OR1F1: variants seen among roughly 807,000 people sequenced by gnomAD.
The protein encoded by OR1F1 is olfactory receptor family 1 subfamily F member 1.
For synonymous variants in OR1F1, 184 were observed against 156.7 expected (o/e 1.17, Z -1.30); for missense variants, 493 against 376.3 (o/e 1.31, Z -2.57).
chr16:3,199,845 G>A (rs1386786281), upstream of OR1F1, among the ~76,000 whole-genome samples: 5 of 151,968 alleles, frequency 3.3e-5, no homozygotes, highest in African/African-American at 7.2e-5. Context: ...GAGAAACCCC[G>A]TCTCTACTAA....
the OR1F1 span, among the ~76,000 whole-genome samples, chr16:3,189,068 T>A: frequency 6.6e-6 from 1 of 152,130 alleles, no homozygotes; most frequent in African/African-American, 2.4e-5. Flanking sequence ...CCTTTAGGGT[T>A]CGAGGCCCAC....
At chr16:3,203,084 C>A (rs1958154653), upstream of OR1F1, among the ~76,000 whole-genome samples, 1 of 152,202 alleles carries the variant, frequency 6.6e-6, no homozygotes, top group Non-Finnish European at 1.5e-5. Flanking sequence ...CAATGATTAC[C>A]CCTTAGATTG....
the OR1F1 span, among the ~76,000 whole-genome samples, chr16:3,198,402 TTGG>T: frequency 1.3e-5 from 2 of 152,152 alleles, no homozygotes; most frequent in East Asian, 3.9e-4. Flanking sequence ...GTTTCCCCTG[TTGG>T]TGGTGGGGAT....
At chr16:3,190,322 C>A in the OR1F1 span, among the ~76,000 whole-genome samples, 2 of 152,144 alleles carry the variant, frequency 1.3e-5, no homozygotes, top group Admixed American at 1.3e-4. Context: ...GTCCCAGCGC[C>A]CACCAGGACT....
the OR1F1 span, among the ~76,000 whole-genome samples, chr16:3,193,586 G>A: frequency 1.3e-5 from 2 of 152,124 alleles, no homozygotes; most frequent in African/African-American, 4.8e-5. Context: ...CTGCTGCGTT[G>A]CAAGAACTGG....
At chr16:3,199,191 TC>T in the OR1F1 span, among the ~76,000 whole-genome samples, 3 of 136,154 alleles carry the variant, frequency 2.2e-5, no homozygotes, top group Admixed American at 7.8e-5. Flanking sequence ...TAGTCCCAGC[TC>T]CTCAGGAGGC....
the OR1F1 span, among the ~76,000 whole-genome samples, chr16:3,195,059 C>T: frequency 1.3e-5 from 2 of 152,182 alleles, no homozygotes; most frequent in African/African-American, 4.8e-5. Context: ...CGGAAGGCCC[C>T]GTGTCCCCCG....
upstream of OR1F1, among the ~76,000 whole-genome samples, chr16:3,201,975 G>C (rs1346417934): frequency 6.6e-6 from 1 of 152,152 alleles, no homozygotes; most frequent in Admixed American, 6.5e-5. Flanking sequence ...CACTGCCTAT[G>C]GGGGAGCCCT....
the OR1F1 span, among the ~76,000 whole-genome samples, chr16:3,198,347 C>A: frequency 6.6e-6 from 1 of 151,952 alleles, no homozygotes; most frequent in East Asian, 1.9e-4. Flanking sequence ...TCTGAAGGCA[C>A]AAAATAGCTG....
the OR1F1 span, among the ~76,000 whole-genome samples, chr16:3,188,661 C>T: frequency 1.3e-5 from 2 of 152,122 alleles, no homozygotes; most frequent in Non-Finnish European, 1.5e-5. Flanking sequence ...CCCCAGACCC[C>T]GGGGCCTTCC....
downstream of OR1F1, among the ~76,000 whole-genome samples, chr16:3,205,493 T>A (rs1312269315): frequency 1.3e-5 from 2 of 151,866 alleles, no homozygotes; most frequent in African/African-American, 4.8e-5. Flanking sequence ...TTTTTTTTTT[T>A]TTTTTTGAGA....
At chr16:3,198,445 C>T in the OR1F1 span, among the ~76,000 whole-genome samples, 13 of 152,126 alleles carry the variant, frequency 8.5e-5, no homozygotes, top group African/African-American at 2.9e-4. Context: ...CAGGCTTAAC[C>T]CCTTAAGCAG....
At chr16:3,201,092 G>A (rs1326138219), upstream of OR1F1, among the ~76,000 whole-genome samples, 3 of 152,046 alleles carry the variant, frequency 2.0e-5, no homozygotes, top group Non-Finnish European at 4.4e-5. Flanking sequence ...TTTTGTATCT[G>A]GCTTCTTTCA....
At chr16:3,197,303 G>A in the OR1F1 span, among the ~76,000 whole-genome samples, 2 of 152,278 alleles carry the variant, frequency 1.3e-5, no homozygotes, top group Admixed American at 1.3e-4. Flanking sequence ...ACAGGTGTGA[G>A]CCACTGTGCC....
chr16:3,196,306 G>A, the OR1F1 span, among the ~76,000 whole-genome samples: 1 of 152,208 alleles, frequency 6.6e-6, no homozygotes, highest in Non-Finnish European at 1.5e-5. Flanking sequence ...CCCAGTGAAA[G>A]TTTTTGGATG....
chr16:3,189,682 C>G, the OR1F1 span: 1 of 152,114 alleles, frequency 6.6e-6, no homozygotes, highest in East Asian at 1.9e-4. Flanking sequence ...CGAGAGGTCC[C>G]GGGTTCAAAT....
chr16:3,193,957 C>A, the OR1F1 span, among the ~76,000 whole-genome samples: 1 of 152,148 alleles, frequency 6.6e-6, no homozygotes, highest in South Asian at 2.1e-4. Flanking sequence ...GCCTCCTAAG[C>A]CAGGGATTGT....
At chr16:3,204,832 G>A (rs1958183739) in exon 1 of OR1F1, 2 of 1,613,972 alleles carry the variant, frequency 1.2e-6, no homozygotes, top group South Asian at 1.1e-5. Context: ...ACACCTCAAT[G>A]AGGTCATAAT....
the OR1F1 span, chr16:3,191,368 C>A: frequency 6.6e-6 from 1 of 152,134 alleles, no homozygotes; most frequent in African/African-American, 2.4e-5. Context: ...GCGGGGATGT[C>A]GGGGTGGAAC....
Sources: gnomAD v4.1 joint callset for allele counts (sites outside exome capture counted in the v4.1 genomes callset) on GRCh38, gnomAD v4.1.1 for gene constraint, MANE v1.5 for transcripts, NCBI Gene and HGNC (gene_info 2026-07-23, HGNC 2026-07-21) for gene names.